GRM8: variants seen among roughly 807,000 people sequenced by gnomAD.
GRM8 encodes metabotropic glutamate receptor 8.
Under a neutral mutation model 87.2 loss-of-function variants are expected in GRM8, and 47 were observed. That is an observed-to-expected ratio of 0.54 (90% CI 0.43 to 0.69). The LOEUF is 0.69. GRM8 is among the 30% of genes least tolerant of loss of function. The pLI is 0.00. For synonymous variants in GRM8, 396 were observed against 404.5 expected (o/e 0.98, Z 0.25); for missense variants, 1,019 against 1,139.2 (o/e 0.89, Z 1.52).
intron 7 of GRM8, among the ~76,000 whole-genome samples, chr7:126,611,977 G>A (rs1017038726): frequency 2.0e-5 from 3 of 152,152 alleles, no homozygotes; most frequent in African/African-American, 7.2e-5. Context: ...GCAGTTATAA[G>A]TGTGGGTTCT....
intron 9 of GRM8, chr7:126,511,280 A>G (rs1212414726): frequency 1.3e-5 from 2 of 152,076 alleles, no homozygotes; most frequent in Admixed American, 1.3e-4. Context: ...TTACACCTAT[A>G]TCAAATTCCA....
chr7:126,815,814 C>T (rs1793736109), intron 6 of GRM8, among the ~76,000 whole-genome samples: 1 of 152,068 alleles, frequency 6.6e-6, no homozygotes, highest in Non-Finnish European at 1.5e-5. Context: ...GTCTTAGATA[C>T]TTCTGTGCAG....
chr7:126,634,608 A>G (rs1801666088), intron 7 of GRM8, among the ~76,000 whole-genome samples: 1 of 152,100 alleles, frequency 6.6e-6, no homozygotes, highest in South Asian at 2.1e-4. Flanking sequence ...AACATAGCCC[A>G]GTCCTCCAAC....
At chr7:127,015,722 C>T (rs924054485) in intron 3 of GRM8, among the ~76,000 whole-genome samples, 1 of 152,066 alleles carries the variant, frequency 6.6e-6, no homozygotes. Context: ...GCTTTACCAG[C>T]ACCAGGACTG....
At chr7:126,844,976 A>G (rs552828035) in intron 6 of GRM8, among the ~76,000 whole-genome samples, 1 of 152,252 alleles carries the variant, frequency 6.6e-6, no homozygotes, top group South Asian at 2.1e-4. Context: ...CTTGCCTATC[A>G]CAAATAGTAA....
chr7:127,150,843 T>C (rs758025796), intron 2 of GRM8, among the ~76,000 whole-genome samples: 2 of 152,044 alleles, frequency 1.3e-5, no homozygotes, highest in South Asian at 4.1e-4. Context: ...AGCCCAGAAT[T>C]AGAGAAACCC....
chr7:126,577,830 C>T (rs1053759585), intron 8 of GRM8, among the ~76,000 whole-genome samples: 1 of 151,884 alleles, frequency 6.6e-6, no homozygotes, highest in Non-Finnish European at 1.5e-5. Context: ...CTCTCTCTCT[C>T]CTCGCCTCTT....
chr7:127,032,489 A>G (rs1262673407), intron 3 of GRM8, among the ~76,000 whole-genome samples: 1 of 152,116 alleles, frequency 6.6e-6, no homozygotes, highest in Non-Finnish European at 1.5e-5. Context: ...TCTACCACCA[A>G]AGAAGACTAT....
intron 7 of GRM8, among the ~76,000 whole-genome samples, chr7:126,745,747 A>G (rs1815591335): frequency 6.6e-6 from 1 of 151,574 alleles, no homozygotes; most frequent in African/African-American, 2.4e-5. Context: ...TCCCTAAGTC[A>G]TGCTTATTGA....
intron 2 of GRM8, chr7:127,229,247 C>T (rs977144650): frequency 3.3e-5 from 5 of 152,172 alleles, no homozygotes; most frequent in African/African-American, 9.7e-5. Context: ...AGACCCTTGG[C>T]CCCAAACAAT....
intron 8 of GRM8, among the ~76,000 whole-genome samples, chr7:126,545,173 G>A (rs906535597): frequency 4.6e-5 from 7 of 152,292 alleles, no homozygotes; most frequent in Admixed American, 1.3e-4. Context: ...GCATGTTGGC[G>A]TATGTATTGT....
chr7:126,607,699 T>TTTA (rs1360905198), intron 8 of GRM8, among the ~76,000 whole-genome samples: 10 of 151,966 alleles, frequency 6.6e-5, no homozygotes, highest in Non-Finnish European at 1.0e-4. Context: ...TTTATGTATT[T>TTTA]TTATTATTAT....
At chr7:126,957,497 C>T (rs1463236855) in intron 3 of GRM8, among the ~76,000 whole-genome samples, 2 of 152,188 alleles carry the variant, frequency 1.3e-5, no homozygotes, top group Non-Finnish European at 2.9e-5. Context: ...GAGTACCCCA[C>T]GACCCCCGCA....
chr7:126,617,856 C>A (rs1799680900), intron 7 of GRM8, among the ~76,000 whole-genome samples: 1 of 152,122 alleles, frequency 6.6e-6, no homozygotes, highest in South Asian at 2.1e-4. Flanking sequence ...AACTACAAAC[C>A]ACTGCTCAAC....
chr7:126,976,828 A>T (rs1811035855), intron 3 of GRM8, among the ~76,000 whole-genome samples: 1 of 152,126 alleles, frequency 6.6e-6, no homozygotes, highest in Non-Finnish European at 1.5e-5. Flanking sequence ...AGAAGGAAGC[A>T]GCCATGTCTT....
At chr7:126,722,756 C>G (rs924499737) in intron 7 of GRM8, among the ~76,000 whole-genome samples, 12 of 151,704 alleles carry the variant, frequency 7.9e-5, no homozygotes, top group Non-Finnish European at 1.8e-4. Flanking sequence ...TGGGTCATTT[C>G]TATCACAGCA....
At chr7:126,750,067 G>C (rs1001372886) in intron 7 of GRM8, among the ~76,000 whole-genome samples, 1 of 151,964 alleles carries the variant, frequency 6.6e-6, no homozygotes, top group Non-Finnish European at 1.5e-5. Flanking sequence ...TATTCTTCAC[G>C]GGGAAAACTG....
intron 3 of GRM8, among the ~76,000 whole-genome samples, chr7:127,001,684 A>G (rs934808702): frequency 2.6e-5 from 4 of 151,642 alleles, no homozygotes; most frequent in African/African-American, 9.7e-5. Context: ...CATGTCTGCC[A>G]TATGACCCAA....
chr7:126,788,248 A>G (rs554748447), intron 6 of GRM8, among the ~76,000 whole-genome samples: 12 of 151,606 alleles, frequency 7.9e-5, no homozygotes, highest in Non-Finnish European at 5.9e-5. Flanking sequence ...CATCTCTAAT[A>G]AAAATACAAA....
Sources: allele counts gnomAD v4.1 joint callset (sites outside exome capture counted in the v4.1 genomes callset), GRCh38; gene constraint gnomAD v4.1.1; transcripts MANE v1.5; gene names NCBI Gene and HGNC (gene_info 2026-07-23, HGNC 2026-07-21).